The following TENM3 variants were observed in gnomAD, a reference collection of about 807,000 sequenced individuals.
TENM3 encodes the protein teneurin transmembrane protein 3, also known as teneurin-3.
TENM3 carries 63 observed loss-of-function variants against 255.1 expected under a neutral mutation model. That is an observed-to-expected ratio of 0.25 (90% CI 0.20 to 0.30). The LOEUF (loss-of-function observed/expected upper bound fraction) is 0.30. Among genes scored for constraint, TENM3 ranks in the 10% least tolerant of loss-of-function variants. TENM3 has a pLI of 1.00. For synonymous variants in TENM3, 1,306 were observed against 1,322.3 expected (o/e 0.99, Z 0.27); for missense variants, 2,929 against 3,461.1 (o/e 0.85, Z 3.86).
intron 22 of TENM3, among the ~76,000 whole-genome samples, chr4:182,765,027 A>G (rs896056564): frequency 6.6e-6 from 1 of 152,168 alleles, no homozygotes; most frequent in African/African-American, 2.4e-5. Flanking sequence ...TTAGGTGACT[A>G]GTGGACACGG....
At chr4:182,399,542 G>C (rs998419223) in intron 3 of TENM3, among the ~76,000 whole-genome samples, 2 of 152,176 alleles carry the variant, frequency 1.3e-5, no homozygotes, top group Non-Finnish European at 2.9e-5. Flanking sequence ...TTAGTGATTA[G>C]TAATATTTCA....
chr4:181,691,094 T>C, the TENM3 span, among the ~76,000 whole-genome samples: 22 of 152,332 alleles, frequency 1.4e-4, no homozygotes, highest in East Asian at 3.3e-3. Context: ...AAATGCAAAG[T>C]CATGCATTGT....
At chr4:181,692,455 A>T in the TENM3 span, among the ~76,000 whole-genome samples, 1 of 152,200 alleles carries the variant, frequency 6.6e-6, no homozygotes, top group African/African-American at 2.4e-5. Flanking sequence ...CAAAGTTCTA[A>T]CAAGATGCAT....
intron 5 of TENM3, among the ~76,000 whole-genome samples, chr4:182,644,148 A>G (rs997843961): frequency 3.3e-5 from 5 of 152,112 alleles, no homozygotes; most frequent in Non-Finnish European, 5.9e-5. Context: ...TGTTCCCTTC[A>G]CAACATCCCC....
At chr4:182,448,920 G>A (rs1580581193) in intron 3 of TENM3, 2 of 349,124 alleles carry the variant, frequency 5.7e-6, no homozygotes, top group Non-Finnish European at 1.2e-5. Flanking sequence ...CCGCCCCCTC[G>A]GCGGCCGGGT....
chr4:182,669,639 C>T (rs952817621), intron 6 of TENM3, among the ~76,000 whole-genome samples: 5 of 152,074 alleles, frequency 3.3e-5, no homozygotes, highest in Admixed American at 2.6e-4. Flanking sequence ...TATGTCCTGA[C>T]ATTGTAAGTA....
intron 24 of TENM3, 87 bp downstream of exon 24, chr4:182,775,240 C>A: frequency 8.7e-7 from 1 of 1,145,072 alleles, no homozygotes; most frequent in Admixed American, 1.9e-5. Context: ...TCCTGCTCAC[C>A]CCCCTATGTC....
chr4:182,758,523 G>A (rs534030166), intron 22 of TENM3, among the ~76,000 whole-genome samples: 190 of 152,190 alleles, frequency 1.2e-3, no homozygotes, highest in African/African-American at 4.3e-3. Flanking sequence ...GGTGTGCGGC[G>A]GGATGTGAGC....
chr4:182,523,455 G>T (rs540826818), intron 3 of TENM3, among the ~76,000 whole-genome samples: 6 of 152,256 alleles, frequency 3.9e-5, no homozygotes, highest in South Asian at 4.1e-4. Context: ...TGTGCATAAT[G>T]TGATGGGTAG....
the TENM3 span, among the ~76,000 whole-genome samples, chr4:181,841,259 T>C: frequency 1.3e-5 from 2 of 152,116 alleles, no homozygotes; most frequent in Non-Finnish European, 2.9e-5. Context: ...TTAAAACAAT[T>C]TAAAATTCAG....
chr4:182,730,463 G>A lies in TENM3; in HGVS notation c.2705+144G>A, dbSNP rs1201708962. On this transcript the variant is annotated intron_variant, in intron 15 of 27. Transcript: ENST00000511685. ...TCTACAAACTTGTGACAGTACATATGGCAGAGATTTAAAGTCATATACTCA... is the reference window on the plus strand; with the variant it reads ...TCTACAAACTTGTGACAGTACATATAGCAGAGATTTAAAGTCATATACTCA... 3.4e-6 allele frequency: 3 copies of A among 878,820 alleles called. No individual in the cohort carries two copies. The African/African-American group carries it at 5.1e-5, about 15-fold the overall frequency. 54.4% of individuals were successfully genotyped at this position (878,820 alleles called of 1,614,324 possible). A position where few individuals can be genotyped will look rare whatever the true frequency, so the allele number is the denominator to read the frequency against.
the TENM3 span, among the ~76,000 whole-genome samples, chr4:182,107,030 T>C: frequency 1.3e-5 from 2 of 152,094 alleles, no homozygotes; most frequent in African/African-American, 4.8e-5. Flanking sequence ...TCCATCTAGT[T>C]TGTACTTGTC....
At chr4:181,679,781 TATAA>T in the TENM3 span, among the ~76,000 whole-genome samples, 14 of 152,166 alleles carry the variant, frequency 9.2e-5, no homozygotes, top group Non-Finnish European at 1.9e-4. Flanking sequence ...GTTATAATAA[TATAA>T]ATAATACATA....
chr4:182,007,111 GTTC>G, the TENM3 span, among the ~76,000 whole-genome samples: 1 of 152,080 alleles, frequency 6.6e-6, no homozygotes, highest in Non-Finnish European at 1.5e-5. Flanking sequence ...TATGATTTCA[GTTC>G]TTCTGCATTT....
intron 3 of TENM3, among the ~76,000 whole-genome samples, chr4:182,492,155 C>A (rs1735361241): frequency 6.6e-6 from 1 of 152,160 alleles, no homozygotes; most frequent in African/African-American, 2.4e-5. Flanking sequence ...AATTTATCCT[C>A]CTCTAATTCC....
intron 1 of TENM3, among the ~76,000 whole-genome samples, chr4:182,198,083 C>A (rs1044811882): frequency 1.3e-5 from 2 of 151,440 alleles, no homozygotes; most frequent in African/African-American, 4.9e-5. Flanking sequence ...CCAGCCTGGG[C>A]GACAGAGTGA....
chr4:182,056,096 A>G, the TENM3 span, among the ~76,000 whole-genome samples: 2 of 151,938 alleles, frequency 1.3e-5, no homozygotes, highest in Non-Finnish European at 2.9e-5. Flanking sequence ...TAAAGAACTC[A>G]GTGGTAAATG....
chr4:182,357,094 T>C (rs1225085453), intron 3 of TENM3, among the ~76,000 whole-genome samples: 2 of 152,128 alleles, frequency 1.3e-5, no homozygotes, highest in African/African-American at 2.4e-5. Context: ...ATATGTGCCA[T>C]ATTTTCTTAA....
intron 3 of TENM3, among the ~76,000 whole-genome samples, chr4:182,397,613 C>T (rs1177451478): frequency 6.6e-6 from 1 of 152,042 alleles, no homozygotes; most frequent in Non-Finnish European, 1.5e-5. Context: ...GTTAGAATCA[C>T]ACTTACCGGG....
Sources: gnomAD v4.1 joint callset for allele counts (sites outside exome capture counted in the v4.1 genomes callset) on GRCh38, gnomAD v4.1.1 for gene constraint, MANE v1.5 for transcripts, NCBI Gene and HGNC (gene_info 2026-07-23, HGNC 2026-07-21) for gene names.